Variants in PLCXD3 observed in about 807,000 individuals in gnomAD.
The protein encoded by PLCXD3 is phosphatidylinositol specific phospholipase C X domain containing 3, also known as PI-PLC X domain-containing protein 3.
Under a neutral mutation model 25.5 loss-of-function variants are expected in PLCXD3, and 19 were observed. The ratio of observed to expected loss-of-function variants is 0.75; its 90% CI spans 0.52 to 1.09. PLCXD3 has a LOEUF of 1.09. Among genes scored for constraint, PLCXD3 ranks in the 50% least tolerant of loss-of-function variants. PLCXD3 has a pLI of 0.00. For missense variants in PLCXD3, 411 were observed against 388.1 expected, an observed-to-expected ratio of 1.06 and a Z score of -0.50; for synonymous variants, 174 against 137.6, an observed-to-expected ratio of 1.26 and a Z score of -1.85.
At chr5:41,347,581 CACA>C (rs1561240457) in intron 2 of PLCXD3, among the ~76,000 whole-genome samples, 1 of 152,184 alleles carries the variant, frequency 6.6e-6, no homozygotes, top group African/African-American at 2.4e-5. Flanking sequence ...TCTGTGCAAG[CACA>C]ACATCTGTAG....
intron 2 of PLCXD3, among the ~76,000 whole-genome samples, chr5:41,335,973 G>T (rs1415098132): frequency 6.6e-6 from 1 of 152,100 alleles, no homozygotes; most frequent in African/African-American, 2.4e-5. Context: ...ACAAATTCAT[G>T]AGGCTAAATA....
chr5:41,456,678 G>A (rs1422097726), intron 1 of PLCXD3: 1 of 224,048 alleles, frequency 4.5e-6, no homozygotes, highest in Non-Finnish European at 7.4e-6. Flanking sequence ...TCCTGAAGGT[G>A]GAGCTCTTAT....
At chr5:41,315,507 T>C (rs1256431612) in intron 2 of PLCXD3, among the ~76,000 whole-genome samples, 1 of 152,028 alleles carries the variant, frequency 6.6e-6, no homozygotes, top group Non-Finnish European at 1.5e-5. Flanking sequence ...AGGCTCCGCA[T>C]ACCCCTGCAA....
chr5:41,481,124 A>G (rs200624503), intron 1 of PLCXD3, among the ~76,000 whole-genome samples: 45 of 150,934 alleles, frequency 3.0e-4, no homozygotes, highest in Middle Eastern at 3.4e-3. Flanking sequence ...AAAAAAAAAA[A>G]AAAGAAAGGA....
In PLCXD3 at chr5:41,419,218, C is replaced by A. The variant is rs115779733; in HGVS notation, c.104-36684G>T. Among the ~76,000 whole-genome samples, 414 of 152,206 alleles carry A rather than the reference C, an allele frequency of 2.7e-3. 4 individuals carry two copies. Among genetic ancestry groups the A allele is most frequent in the African/African-American group, 9.4e-3 (389 of 41,510 alleles). On this transcript the variant is annotated intron_variant, in intron 1 of 2. Transcript: ENST00000377801. Reference sequence around the variant, plus strand: ...AGATGTAGCCAGCAGCAAGAGAATCCTTCCCTTCCCAGTTCGGCTCAAGAT... The same window carrying A: ...AGATGTAGCCAGCAGCAAGAGAATCATTCCCTTCCCAGTTCGGCTCAAGAT...
At chr5:41,434,535 TG>T (rs1240681506) in intron 1 of PLCXD3, among the ~76,000 whole-genome samples, 1 of 152,202 alleles carries the variant, frequency 6.6e-6, no homozygotes, top group Non-Finnish European at 1.5e-5. Flanking sequence ...TTGCCTTTTT[TG>T]TAGGGCACAA....
chr5:41,447,535 C>T (rs1467897567), intron 1 of PLCXD3, among the ~76,000 whole-genome samples: 1 of 152,032 alleles, frequency 6.6e-6, no homozygotes, highest in Non-Finnish European at 1.5e-5. Context: ...ACTCACAGGC[C>T]CTGTTTGATA....
At chr5:41,381,294 T>C (rs900720582) in intron 2 of PLCXD3, among the ~76,000 whole-genome samples, 2 of 152,118 alleles carry the variant, frequency 1.3e-5, no homozygotes, top group African/African-American at 4.8e-5. Flanking sequence ...TACATGGTGT[T>C]ATGGGTTGAT....
intron 1 of PLCXD3, among the ~76,000 whole-genome samples, chr5:41,465,378 T>TTTTTTTTA (rs1747993727): frequency 7.0e-6 from 1 of 143,692 alleles, no homozygotes; most frequent in Non-Finnish European, 1.5e-5. Flanking sequence ...TTTTTTTTTT[T>TTTTTTTTA]TTTTTTTTGC....
In PLCXD3 at chr5:41,452,454, A is replaced by G. The variant is rs1208913954; in HGVS notation, c.103+57970T>C. On this transcript the variant is annotated intron_variant, in intron 1 of 2. Transcript: ENST00000377801. ...GGGAAGCCCCTAAAATGAACAGTCA[A>G]TGATCCCTCAGAGCAGGTGCAACTT... 2.0e-5 allele frequency among the ~76,000 whole-genome samples: 3 copies of G among 152,062 alleles called. No individual in the cohort carries two copies. In the East Asian group the frequency reaches 5.8e-4, roughly 29 times the overall value.
intron 2 of PLCXD3, among the ~76,000 whole-genome samples, chr5:41,327,289 G>A (rs1407466961): frequency 6.6e-6 from 1 of 152,158 alleles, no homozygotes; most frequent in Non-Finnish European, 1.5e-5. Context: ...AAGCAGAAAA[G>A]GTGTTTGGCC....
intron 1 of PLCXD3, among the ~76,000 whole-genome samples, chr5:41,463,000 G>T (rs547760097): frequency 6.6e-6 from 1 of 151,910 alleles, no homozygotes; most frequent in Non-Finnish European, 1.5e-5. Context: ...GCAGATGCAG[G>T]ACTGACAGTG....
At chr5:41,509,836 C>T (rs751581108) in intron 1 of PLCXD3, among the ~76,000 whole-genome samples, 22 of 152,216 alleles carry the variant, frequency 1.4e-4, no homozygotes, top group Non-Finnish European at 2.6e-4. Context: ...GCCCGTCGCC[C>T]CCTTGGGCTC....
intron 1 of PLCXD3, among the ~76,000 whole-genome samples, chr5:41,486,013 G>A (rs764297968): frequency 2.1e-4 from 32 of 152,310 alleles, no homozygotes; most frequent in South Asian, 1.0e-3. Context: ...TCCACAGTGA[G>A]AGATAGCTCA....
chr5:41,505,117 C>T (rs1749026418), intron 1 of PLCXD3, among the ~76,000 whole-genome samples: 1 of 152,056 alleles, frequency 6.6e-6, no homozygotes, highest in South Asian at 2.1e-4. Flanking sequence ...TAAATAAACT[C>T]TAAGTCAGGG....
intron 1 of PLCXD3, among the ~76,000 whole-genome samples, chr5:41,410,141 C>CTTTTTTTTTTTTTTTTTTTT (rs5867553): frequency 1.1e-4 from 13 of 121,396 alleles, no homozygotes; most frequent in Non-Finnish European, 1.8e-4. Flanking sequence ...TTTTATTTAT[C>CTTTTTTTTTTTTTTTTTTTT]TTTTTTTTTT....
intron 2 of PLCXD3, among the ~76,000 whole-genome samples, chr5:41,358,142 A>T (rs1744671361): frequency 6.6e-6 from 1 of 152,192 alleles, no homozygotes; most frequent in Admixed American, 6.5e-5. Context: ...TTTATGCTTC[A>T]CGGTAGTCTT....
intron 2 of PLCXD3, among the ~76,000 whole-genome samples, chr5:41,377,741 A>G (rs955881668): frequency 6.6e-6 from 1 of 152,080 alleles, no homozygotes; most frequent in Non-Finnish European, 1.5e-5. Flanking sequence ...GCCACCCACA[A>G]CTTCAAACGC....
rs375081426 is a variant in PLCXD3 at position 41,314,680 on chromosome 5, A to C, written c.813-910T>G. ...GCTATTGCCATGGCACTAATGGGGT[A>C]GCATGCTTAAGCTTAGAGAAAAGAA... On this transcript the variant is annotated intron_variant, in intron 2 of 2. Transcript: ENST00000377801. Among the ~76,000 whole-genome samples the C allele has an allele frequency of 4.3e-4, 65 of 152,248 alleles. No homozygotes were observed. The East Asian group carries it at 8.7e-3, about 20-fold the overall frequency.
Sources: gnomAD v4.1 joint callset for allele counts (sites outside exome capture counted in the v4.1 genomes callset) on GRCh38, gnomAD v4.1.1 for gene constraint, MANE v1.5 for transcripts, NCBI Gene and HGNC (gene_info 2026-07-23, HGNC 2026-07-21) for gene names.